SEMA6D: variants seen among roughly 807,000 people sequenced by gnomAD.
The protein encoded by SEMA6D is semaphorin 6D.
Under a neutral mutation model 106.6 loss-of-function variants are expected in SEMA6D, and 35 were observed. That is an observed-to-expected ratio of 0.33 (90% confidence interval 0.25 to 0.44). The LOEUF (loss-of-function observed/expected upper bound fraction) is 0.44, where lower values mean the gene tolerates loss of function less well. Ranked by LOEUF, SEMA6D falls within the 20% of genes least tolerant of loss-of-function variation. The pLI is 1.00. For synonymous variants in SEMA6D, 499 were observed against 487.7 expected, an observed-to-expected ratio of 1.02 and a Z score of -0.31; for missense variants, 1,185 against 1,345.9, an observed-to-expected ratio of 0.88 and a Z score of 1.87.
chr15:47,406,295 C>G (rs191375476), intron 1 of SEMA6D, among the ~76,000 whole-genome samples: 3 of 152,176 alleles, frequency 2.0e-5, no homozygotes, highest in Admixed American at 6.5e-5. Context: ...ATAATGTTGC[C>G]TGAAGAATTT....
At chr15:47,300,945 A>T (rs1442349751) in intron 1 of SEMA6D, among the ~76,000 whole-genome samples, 3 of 152,246 alleles carry the variant, frequency 2.0e-5, no homozygotes, top group African/African-American at 7.2e-5. Flanking sequence ...ATTGCCTGCA[A>T]GAAAATAATT....
chr15:47,503,146 G>A (rs1415945816), intron 3 of SEMA6D, among the ~76,000 whole-genome samples: 1 of 151,868 alleles, frequency 6.6e-6, no homozygotes, highest in East Asian at 1.9e-4. Context: ...GATGTCCTAG[G>A]GAAACTTGAC....
At chr15:47,587,039 A>G (rs2076354300) in intron 3 of SEMA6D, among the ~76,000 whole-genome samples, 1 of 151,994 alleles carries the variant, frequency 6.6e-6, no homozygotes, top group South Asian at 2.1e-4. Context: ...GAGAGAGAAG[A>G]GTTATTGTAG....
chr15:47,610,601 A>G lies in SEMA6D; in HGVS notation c.-55+9705A>G, dbSNP rs141969850. ...ACATTTATCATTTTTCACTCTTTTGAAGAAATCACTTTCATCATCTGCTTC... is the reference window on the plus strand; with the variant it reads ...ACATTTATCATTTTTCACTCTTTTGGAGAAATCACTTTCATCATCTGCTTC... On this transcript the variant is annotated intron_variant, in intron 4 of 19. Transcript: ENST00000558014. 2.3e-3 allele frequency among the ~76,000 whole-genome samples: 348 copies of G among 152,314 alleles called. 2 individuals carry two copies. Among genetic ancestry groups the G allele is most frequent in the African/African-American group, 7.7e-3 (321 of 41,568 alleles).
chr15:47,576,265 A>G (rs566417114), intron 3 of SEMA6D, among the ~76,000 whole-genome samples: 1 of 152,354 alleles, frequency 6.6e-6, no homozygotes, highest in African/African-American at 2.4e-5. Flanking sequence ...TTGTTAAGAA[A>G]GACCACAGTC....
intron 1 of SEMA6D, among the ~76,000 whole-genome samples, chr15:47,244,376 A>T (rs2033089525): frequency 6.6e-6 from 1 of 152,138 alleles, no homozygotes; most frequent in African/African-American, 2.4e-5. Flanking sequence ...GTTACTAAGG[A>T]TTAGTCATGC....
intron 3 of SEMA6D, among the ~76,000 whole-genome samples, chr15:47,486,424 T>C (rs2141364222): frequency 6.6e-6 from 1 of 152,326 alleles, no homozygotes; most frequent in African/African-American, 2.4e-5. Context: ...TATCTCCTAT[T>C]GAGGAAGATG....
intron 3 of SEMA6D, among the ~76,000 whole-genome samples, chr15:47,553,115 G>A (rs1188951973): frequency 1.3e-5 from 2 of 150,446 alleles, no homozygotes; most frequent in South Asian, 4.2e-4. Flanking sequence ...TGTTGGCCAG[G>A]CTGGTCTCAA....
intron 1 of SEMA6D, among the ~76,000 whole-genome samples, chr15:47,721,346 A>G (rs1251127999): frequency 2.6e-5 from 4 of 152,180 alleles, no homozygotes; most frequent in Admixed American, 2.6e-4. Flanking sequence ...TAATTCACGC[A>G]TTGAATCTGT....
At chr15:47,750,938 A>T (rs1450657864) in intron 1 of SEMA6D, among the ~76,000 whole-genome samples, 2 of 152,176 alleles carry the variant, frequency 1.3e-5, no homozygotes, top group Admixed American at 6.5e-5. Flanking sequence ...CCTTGAAAAC[A>T]CCACATCAGC....
At chr15:47,477,898 T>C (rs1349235507) in intron 3 of SEMA6D, among the ~76,000 whole-genome samples, 2 of 152,186 alleles carry the variant, frequency 1.3e-5, no homozygotes, top group Admixed American at 1.3e-4. Context: ...TCTATGTAAA[T>C]GCCCAATCAG....
intron 1 of SEMA6D, chr15:47,393,172 A>G (rs1292401732): frequency 6.6e-6 from 1 of 152,232 alleles, no homozygotes; most frequent in Admixed American, 6.5e-5. Context: ...TTATTCTAAC[A>G]TAATCACAAT....
At chr15:47,251,753 ATAGG>A (rs1227277059) in intron 1 of SEMA6D, among the ~76,000 whole-genome samples, 5 of 151,994 alleles carry the variant, frequency 3.3e-5, no homozygotes, top group Non-Finnish European at 5.9e-5. Flanking sequence ...AGCTATTCTG[ATAGG>A]TAGGTAGTTA....
chr15:47,354,320 C>T (rs1166974436), intron 1 of SEMA6D, among the ~76,000 whole-genome samples: 7 of 120,846 alleles, frequency 5.8e-5, no homozygotes, highest in African/African-American at 1.8e-4. Flanking sequence ...TATATATATA[C>T]ACACATGCAT....
intron 1 of SEMA6D, among the ~76,000 whole-genome samples, chr15:47,735,840 G>A (rs941638432): frequency 1.3e-5 from 2 of 152,172 alleles, no homozygotes; most frequent in African/African-American, 4.8e-5. Context: ...AGCCAATTAA[G>A]ATCAAACCTA....
At chr15:47,751,097 G>T (rs1438434228) in intron 1 of SEMA6D, among the ~76,000 whole-genome samples, 1 of 152,094 alleles carries the variant, frequency 6.6e-6, no homozygotes, top group South Asian at 2.1e-4. Context: ...ACACATGGAA[G>T]GTGAAAGAAG....
chr15:47,355,706 A>C (rs2038538710), intron 1 of SEMA6D, among the ~76,000 whole-genome samples: 1 of 152,180 alleles, frequency 6.6e-6, no homozygotes, highest in African/African-American at 2.4e-5. Context: ...AAAATAAAGA[A>C]CCCAATACAC....
chr15:47,653,657 A>T (rs1353479237), intron 4 of SEMA6D, among the ~76,000 whole-genome samples: 1 of 152,264 alleles, frequency 6.6e-6, no homozygotes, highest in African/African-American at 2.4e-5. Flanking sequence ...AGGTGCTTTT[A>T]AAATAATTAT....
chr15:47,686,732 G>A (rs1056405890), intron 4 of SEMA6D, among the ~76,000 whole-genome samples: 7 of 152,078 alleles, frequency 4.6e-5, no homozygotes, highest in Admixed American at 1.3e-4. Flanking sequence ...GAATGAACAC[G>A]CAAAAGATAG....
Sources: gnomAD v4.1 joint callset for allele counts (sites outside exome capture counted in the v4.1 genomes callset) on GRCh38, gnomAD v4.1.1 for gene constraint, MANE v1.5 for transcripts, NCBI Gene and HGNC (gene_info 2026-07-23, HGNC 2026-07-21) for gene names.